NHLRC2: variants seen among roughly 807,000 people sequenced by gnomAD.
NHLRC2 encodes the protein NHL repeat-containing protein 2.
Under a neutral mutation model 68.1 loss-of-function variants are expected in NHLRC2, and 33 were observed. The observed-to-expected ratio is 0.48, with a 90% CI of 0.37 to 0.65. The LOEUF (loss-of-function observed/expected upper bound fraction) is 0.65, where lower values mean the gene tolerates loss of function less well. Ranked by LOEUF, NHLRC2 falls within the 30% of genes least tolerant of loss-of-function variation. The pLI is 0.00. For missense variants in NHLRC2, 761 were observed against 853.8 expected (o/e 0.89, Z 1.35); for synonymous variants, 311 against 309.6 (o/e 1.00, Z -0.05).
At chr10:113,877,227 G>A (rs1345828478) in intron 3 of NHLRC2, among the ~76,000 whole-genome samples, 1 of 150,856 alleles carries the variant, frequency 6.6e-6, no homozygotes, top group East Asian at 1.9e-4. Flanking sequence ...TCAGCTTTTA[G>A]GTATATTTGT....
chr10:113,864,900 G>T lies in NHLRC2; in HGVS notation c.331+6220G>T, dbSNP rs375009363. 1.6e-3 allele frequency among the ~76,000 whole-genome samples: 248 copies of T among 151,820 alleles called. No individual in the cohort carries two copies. In the South Asian group the frequency reaches 0.02, roughly 12 times the overall value. ...AGTGGTAATCTTGAAATCAGCCATA[G>T]TGGGAGTATTTAGACCATGGAAATC... On this transcript the variant is annotated intron_variant, in intron 2 of 10. Transcript: ENST00000369301.
At chr10:113,880,260 T>C (rs1846024408) in intron 4 of NHLRC2, among the ~76,000 whole-genome samples, 1 of 152,064 alleles carries the variant, frequency 6.6e-6, no homozygotes, top group East Asian at 1.9e-4. Context: ...TTTTCTACTC[T>C]TATAAAAATA....
intron 3 of NHLRC2, among the ~76,000 whole-genome samples, chr10:113,878,520 C>T (rs1296249150): frequency 6.6e-6 from 1 of 151,946 alleles, no homozygotes; most frequent in African/African-American, 2.4e-5. Context: ...GTCTATTGGG[C>T]TCTTGAGTTG....
rs1845722729 is a variant in NHLRC2 at position 113,854,702 on chromosome 10, T to G, written c.-171T>G. 1.7e-6 allele frequency: 1 copy of G among 583,164 alleles called. No individual in the cohort carries two copies. Among genetic ancestry groups the G allele is most frequent in the Non-Finnish European group, 3.0e-6 (1 of 336,228 alleles). 36.1% of individuals were successfully genotyped at this position (583,164 alleles called of 1,614,324 possible). On this transcript the variant is annotated 5_prime_UTR_variant, in exon 1 of 11. Transcript: ENST00000369301. ...CGGGAACTGCGCCGATTTGGACTTT[T>G]GGCACTTGGACCTATGCTTTAAAAA...
chr10:113,907,656 T>A lies in NHLRC2; in HGVS notation c.1925-624T>A, dbSNP rs138694446. ...ATAGTCTGTTTATTTCTAGGAAGAG[T>A]TTTACGTATTATAATGAGATATACA... is the stretch of plus-strand genomic sequence containing the variant. On this transcript the variant is annotated intron_variant, in intron 10 of 10. Coordinates refer to ENST00000369301, the MANE Select transcript of NHLRC2 (RefSeq NM_198514.4). 5.3e-5 allele frequency among the ~76,000 whole-genome samples: 8 copies of A among 152,302 alleles called. No individual in the cohort carries two copies. The East Asian group carries it at 1.5e-3, about 29-fold the overall frequency.
At chr10:113,894,834 A>G (rs1589546062) in intron 5 of NHLRC2, among the ~76,000 whole-genome samples, 2 of 152,154 alleles carry the variant, frequency 1.3e-5, no homozygotes, top group African/African-American at 4.8e-5. Context: ...TGGAGTTCTC[A>G]GCCCTATCAG....
At chr10:113,886,969 A>G (rs1589543565) in intron 5 of NHLRC2, among the ~76,000 whole-genome samples, 2 of 152,346 alleles carry the variant, frequency 1.3e-5, no homozygotes, top group Admixed American at 6.5e-5. Context: ...TGCAAACCAT[A>G]TAACCAATAA....
chr10:113,891,297 A>G (rs1589544960), intron 5 of NHLRC2, among the ~76,000 whole-genome samples: 1 of 152,248 alleles, frequency 6.6e-6, no homozygotes, highest in East Asian at 1.9e-4. Context: ...TAGTTATTTC[A>G]AAGTCTGTAT....
intron 2 of NHLRC2, among the ~76,000 whole-genome samples, chr10:113,869,473 G>GTATGTTTGT (rs374748585): frequency 2.0e-5 from 3 of 152,140 alleles, no homozygotes; most frequent in African/African-American, 7.2e-5. Flanking sequence ...GATCCCATCT[G>GTATGTTTGT]TATGTTTGTT....
intron 6 of NHLRC2, among the ~76,000 whole-genome samples, chr10:113,899,608 A>G (rs1470843173): frequency 6.6e-6 from 1 of 152,204 alleles, no homozygotes; most frequent in Non-Finnish European, 1.5e-5. Flanking sequence ...TAGTGTGTGC[A>G]AAAGGAATCG....
At chr10:113,879,506 GTTTGTTTTGT>G in intron 3 of NHLRC2, 58 bp from the exon 4 acceptor site, 5 of 1,335,664 alleles carry the variant, frequency 3.7e-6, no homozygotes, top group Admixed American at 2.4e-5. Flanking sequence ...TTAAATACAA[GTTTGTTTTGT>G]TTTGTTTTGT....
rs116071012 is a variant in NHLRC2, at chr10:113,903,989, C to G, written c.1704+253C>G. On this transcript the variant is annotated intron_variant, in intron 9 of 10. Coordinates refer to ENST00000369301, the MANE Select transcript of NHLRC2 (RefSeq NM_198514.4). ...AATTGGAGATAATCTAATGAACCTT[C>G]AAGAAAAAAAAAAGGAGAGGACTCA... is the stretch of plus-strand genomic sequence containing the variant. 2.8e-3 allele frequency among the ~76,000 whole-genome samples: 413 copies of G among 147,698 alleles called. 2 individuals are homozygous for G. The highest frequency in any genetic ancestry group is 1.0e-2 in the African/African-American group (402 of 40,328).
rs1302759567 is a variant in NHLRC2 at position 113,912,473 on chromosome 10, G to A, written c.*3937G>A. On this transcript the variant is annotated 3_prime_UTR_variant, in exon 11 of 11. Coordinates refer to ENST00000369301, the MANE Select transcript of NHLRC2 (RefSeq NM_198514.4). ...GTAGTTATAAAGAAGCATGCCTATA[G>A]TGTTATTAAAAATTTTTTGTACGAC... is the stretch of plus-strand genomic sequence containing the variant. 2.6e-5 allele frequency: 4 copies of A among 152,164 alleles called. No individual in the cohort carries two copies. The highest frequency in any genetic ancestry group is 4.4e-5 in the Non-Finnish European group (3 of 68,036). 9.4% of individuals were successfully genotyped at this position (152,164 alleles called of 1,614,324 possible).
At chr10:113,893,616 T>C (rs1449413474) in intron 5 of NHLRC2, among the ~76,000 whole-genome samples, 2 of 152,178 alleles carry the variant, frequency 1.3e-5, no homozygotes, top group Non-Finnish European at 2.9e-5. Context: ...CTGCTGCTGC[T>C]TCTCTACTTT....
intron 2 of NHLRC2, among the ~76,000 whole-genome samples, chr10:113,863,897 C>T (rs1293440011): frequency 6.6e-6 from 1 of 152,156 alleles, no homozygotes; most frequent in Non-Finnish European, 1.5e-5. Flanking sequence ...ACAAAACCTA[C>T]TAAGACTAAA....
In NHLRC2 at chr10:113,917,026, ATTGT is replaced by A. The variant is rs1417966474; in HGVS notation, c.*8494_*8497del. On this transcript the variant is annotated 3_prime_UTR_variant, in exon 11 of 11. Transcript: ENST00000369301. ...TTTCAAGTGCATGTGTTAACAGAAG[ATTGT>A]TTGGAACGAGAGTGCAGTGGCTTCT... The A allele has an allele frequency of 6.6e-6, 1 of 152,198 alleles. No individual in the cohort carries two copies. Among genetic ancestry groups the A allele is most frequent in the Non-Finnish European group, 1.5e-5 (1 of 68,030 alleles). 9.4% of individuals were successfully genotyped at this position (152,198 alleles called of 1,614,324 possible).
intron 5 of NHLRC2, among the ~76,000 whole-genome samples, chr10:113,888,860 C>T (rs1488769266): frequency 6.7e-6 from 1 of 149,008 alleles, no homozygotes; most frequent in Non-Finnish European, 1.5e-5. Flanking sequence ...TGAGGCTCGC[C>T]ATATCACCTA....
chr10:113,898,128 G>C lies in NHLRC2; in HGVS notation c.1058G>C (p.Gly353Ala). The change falls in exon 6 of 11, where the codon GGT becomes GCT. Residue 353 changes from glycine to alanine, a missense_variant. Coordinates refer to ENST00000369301, the MANE Select transcript of NHLRC2 (RefSeq NM_198514.4). ...TATAAAGGTTCAGAGGTCCAAAGAG[G>C]TGACATTTTATGGATAGCCATGGCA... ...FGTSGSEVQR[G>A]DILWIAMAGT... is the part of the protein sequence containing the mutation. The C allele has an allele frequency of 6.2e-7, 1 of 1,610,874 alleles. No homozygotes were observed. Among genetic ancestry groups the C allele is most frequent in the South Asian group, 1.1e-5 (1 of 90,960 alleles).
intron 1 of NHLRC2, among the ~76,000 whole-genome samples, chr10:113,858,287 C>G (rs1163496229): frequency 6.6e-6 from 1 of 151,768 alleles, no homozygotes; most frequent in Admixed American, 6.6e-5. Flanking sequence ...CTTCCAAACC[C>G]AAATACCTGT....
Sources: gnomAD v4.1 joint callset for allele counts (sites outside exome capture counted in the v4.1 genomes callset) on GRCh38, gnomAD v4.1.1 for gene constraint, MANE v1.5 for transcripts, NCBI Gene and HGNC (gene_info 2026-07-23, HGNC 2026-07-21) for gene names.